Variants in DGKI observed in about 807,000 individuals in gnomAD.
DGKI encodes the protein diacylglycerol kinase iota.
DGKI carries 55 observed loss-of-function variants against 147.5 expected under a neutral mutation model. The ratio of observed to expected loss-of-function variants is 0.37; its 90% CI spans 0.30 to 0.47. DGKI has a LOEUF of 0.47. DGKI is among the 20% of genes least tolerant of loss of function. The pLI, the probability that DGKI is intolerant of heterozygous loss-of-function variation, is 1.00. For missense variants in DGKI, 1,007 were observed against 1,323.8 expected (o/e 0.76, Z 3.71); for synonymous variants, 469 against 477.1 (o/e 0.98, Z 0.22).
chr7:137,662,112 A>T (rs978147146), intron 3 of DGKI, among the ~76,000 whole-genome samples: 3 of 152,210 alleles, frequency 2.0e-5, no homozygotes, highest in African/African-American at 7.2e-5. Context: ...TGAAAGTTCC[A>T]TTAATATGAT....
chr7:137,497,440 G>A (rs1227904318), intron 21 of DGKI, among the ~76,000 whole-genome samples: 1 of 152,062 alleles, frequency 6.6e-6, no homozygotes, highest in East Asian at 1.9e-4. Flanking sequence ...TCACTATTGG[G>A]TATATACCTA....
At chr7:137,619,493 T>C (rs1236659821) in intron 8 of DGKI, among the ~76,000 whole-genome samples, 1 of 151,964 alleles carries the variant, frequency 6.6e-6, no homozygotes, top group Non-Finnish European at 1.5e-5. Flanking sequence ...GAGAACAGAG[T>C]TGTATAAGCA....
chr7:137,665,428 T>C (rs1822601509), intron 3 of DGKI, among the ~76,000 whole-genome samples: 1 of 152,206 alleles, frequency 6.6e-6, no homozygotes, highest in Non-Finnish European at 1.5e-5. Context: ...AGCTTTGCTG[T>C]TCATGTGTAT....
chr7:137,520,220 G>A (rs1314877236), intron 21 of DGKI, among the ~76,000 whole-genome samples: 1 of 152,040 alleles, frequency 6.6e-6, no homozygotes, highest in Non-Finnish European at 1.5e-5. Context: ...ACTCCAAATT[G>A]AATTTCTTCA....
intron 7 of DGKI, among the ~76,000 whole-genome samples, chr7:137,620,199 T>C (rs1321660605): frequency 6.6e-6 from 1 of 152,130 alleles, no homozygotes; most frequent in East Asian, 1.9e-4. Context: ...GTTTACAAAC[T>C]TATAACATTG....
chr7:137,720,345 C>T (rs531716080), intron 1 of DGKI, among the ~76,000 whole-genome samples: 62 of 150,044 alleles, frequency 4.1e-4, no homozygotes, highest in African/African-American at 1.5e-3. Context: ...GCAAGCTCCA[C>T]CTCCCGGGTT....
At chr7:137,631,920 T>C (rs1035248045) in intron 6 of DGKI, among the ~76,000 whole-genome samples, 1 of 152,108 alleles carries the variant, frequency 6.6e-6, no homozygotes, top group Non-Finnish European at 1.5e-5. Context: ...CAATAAGAAA[T>C]GTGCTGGTGA....
At chr7:137,530,768 G>A (rs1300761585) in intron 20 of DGKI, among the ~76,000 whole-genome samples, 1 of 152,086 alleles carries the variant, frequency 6.6e-6, no homozygotes, top group Non-Finnish European at 1.5e-5. Context: ...AAAGAATTTG[G>A]TTCAAAGGAA....
chr7:137,474,253 G>T (rs1325802769), intron 23 of DGKI, among the ~76,000 whole-genome samples: 1 of 152,112 alleles, frequency 6.6e-6, no homozygotes, highest in East Asian at 1.9e-4. Flanking sequence ...AATTGCCCTT[G>T]AATCTATTCC....
Position 137,453,152 on chromosome 7 carries a change from A to G in DGKI, c.2736-9050T>C, listed in dbSNP as rs1814043719. On this transcript the variant is annotated intron_variant, in intron 27 of 32. Transcript: ENST00000614521. ...CTATTTCCTAAAACTGTTGGTAGAC[A>G]AGAATCTTCATTCAAATCAAGTGAG... is the stretch of plus-strand genomic sequence containing the variant. 2.6e-5 allele frequency: 4 copies of G among 152,364 alleles called. No homozygotes were observed. In the South Asian group the frequency reaches 8.3e-4, roughly 32 times the overall value. The allele number at this position is 152,364 out of a possible 1,614,324, so 9.4% of individuals were successfully genotyped here.
chr7:137,488,782 T>TA (rs1207979816), intron 21 of DGKI, among the ~76,000 whole-genome samples: 3 of 152,154 alleles, frequency 2.0e-5, no homozygotes, highest in Middle Eastern at 3.4e-3. Flanking sequence ...TTAAAATGCA[T>TA]AAAAAACCTT....
chr7:137,551,599 T>C (rs1411356800), intron 20 of DGKI, among the ~76,000 whole-genome samples: 3 of 152,178 alleles, frequency 2.0e-5, no homozygotes, highest in African/African-American at 7.2e-5. Flanking sequence ...AAAATTATGT[T>C]CATTTTCCGT....
In DGKI at chr7:137,552,357, G is replaced by A; in HGVS notation, c.2147+12C>T. ...CTTCATGTTAAGCAAGGTAGGCCAT[G>A]AGCAGACTCACTCATTGAGTAAAGG... On this transcript the variant is annotated intron_variant, in intron 20 of 32. Coordinates refer to ENST00000614521, the MANE Select transcript of DGKI (RefSeq NM_001321708.2). The A allele has an allele frequency of 6.2e-7, 1 of 1,612,422 alleles. No homozygotes were observed. Among genetic ancestry groups the A allele is most frequent in the Non-Finnish European group, 8.5e-7 (1 of 1,179,938 alleles).
chr7:137,781,444 TTAAG>T (rs984935499), intron 1 of DGKI, among the ~76,000 whole-genome samples: 6 of 152,234 alleles, frequency 3.9e-5, no homozygotes, highest in African/African-American at 1.2e-4. Flanking sequence ...TCATCAGCAG[TTAAG>T]TAAGCACTTT....
intron 2 of DGKI, among the ~76,000 whole-genome samples, chr7:137,683,202 C>T (rs1177563451): frequency 6.6e-6 from 1 of 151,786 alleles, no homozygotes; most frequent in Non-Finnish European, 1.5e-5. Flanking sequence ...TTAGTTTCCG[C>T]CAAAAGAGAG....
chr7:137,426,211 C>T (rs1190196613), intron 28 of DGKI, among the ~76,000 whole-genome samples: 1 of 152,172 alleles, frequency 6.6e-6, no homozygotes, highest in East Asian at 1.9e-4. Context: ...TGGGCAGAAA[C>T]TCTACAAGCC....
chr7:137,566,593 A>G (rs903356190), intron 19 of DGKI, among the ~76,000 whole-genome samples: 9 of 152,200 alleles, frequency 5.9e-5, no homozygotes, highest in Non-Finnish European at 1.2e-4. Context: ...ATGCTAGCTG[A>G]TGATGTATAT....
chr7:137,694,554 A>C (rs1441361103), intron 1 of DGKI, among the ~76,000 whole-genome samples: 1 of 152,152 alleles, frequency 6.6e-6, no homozygotes, highest in South Asian at 2.1e-4. Flanking sequence ...AGCACCAGAG[A>C]ATCAGGAAGT....
intron 1 of DGKI, among the ~76,000 whole-genome samples, chr7:137,837,984 TA>T (rs1798434924): frequency 6.6e-6 from 1 of 150,770 alleles, no homozygotes; most frequent in Non-Finnish European, 1.5e-5. Context: ...GGGGCCAATT[TA>T]AAAGGGAGAA....
Sources: gnomAD v4.1 joint callset for allele counts (sites outside exome capture counted in the v4.1 genomes callset) on GRCh38, gnomAD v4.1.1 for gene constraint, MANE v1.5 for transcripts, NCBI Gene and HGNC (gene_info 2026-07-23, HGNC 2026-07-21) for gene names.